Variants in GALNT14 observed in about 807,000 individuals in gnomAD.
The protein encoded by GALNT14 is UDP-GalNAc:polypeptide N-acetylgalactosaminyltransferase 14.
A neutral mutation model predicts 77.5 loss-of-function variants in GALNT14; 60 were observed. That is an observed-to-expected ratio of 0.77 (90% CI 0.63 to 0.96). The LOEUF (loss-of-function observed/expected upper bound fraction) is 0.96, where lower values mean the gene tolerates loss of function less well. Among genes scored for constraint, GALNT14 ranks in the 40% least tolerant of loss-of-function variants. The pLI, the probability that GALNT14 is intolerant of heterozygous loss-of-function variation, is 0.00. For synonymous variants in GALNT14, 280 were observed against 281.7 expected (o/e 0.99, Z 0.06); for missense variants, 710 against 731.0 (o/e 0.97, Z 0.33).
chr2:31,098,986 CA>C (rs1677133245), intron 1 of GALNT14, among the ~76,000 whole-genome samples: 2 of 152,010 alleles, frequency 1.3e-5, no homozygotes, highest in Admixed American at 1.3e-4. Flanking sequence ...CTTGCTGTGT[CA>C]GGGGTGGCAG....
At chr2:31,016,715 C>T (rs1671388208) in intron 1 of GALNT14, among the ~76,000 whole-genome samples, 3 of 152,188 alleles carry the variant, frequency 2.0e-5, no homozygotes, top group Admixed American at 2.0e-4. Context: ...CAAGGCTCCC[C>T]TTGGAACCAG....
chr2:31,027,917 T>C (rs868622467), intron 1 of GALNT14, among the ~76,000 whole-genome samples: 4 of 150,642 alleles, frequency 2.7e-5, no homozygotes, highest in East Asian at 1.9e-4. Context: ...TGTGTGTGTG[T>C]GCACGCATGC....
chr2:31,087,298 A>G (rs978736275), intron 1 of GALNT14, among the ~76,000 whole-genome samples: 4 of 152,240 alleles, frequency 2.6e-5, no homozygotes, highest in Non-Finnish European at 4.4e-5. Flanking sequence ...TATTAAGTTT[A>G]GGAGTATGCA....
chr2:31,050,853 T>G (rs1256840232), intron 1 of GALNT14, among the ~76,000 whole-genome samples: 6 of 150,774 alleles, frequency 4.0e-5, no homozygotes, highest in Middle Eastern at 3.4e-3. Flanking sequence ...CATTTGGGGA[T>G]AGCAAAATAC....
At chr2:30,934,908 G>T (rs868223983) in intron 9 of GALNT14, among the ~76,000 whole-genome samples, 5 of 152,126 alleles carry the variant, frequency 3.3e-5, no homozygotes, top group Admixed American at 2.0e-4. Flanking sequence ...TGAGATGGAC[G>T]GGACATTATC....
intron 1 of GALNT14, among the ~76,000 whole-genome samples, chr2:31,028,759 A>T (rs770016931): frequency 6.6e-6 from 1 of 152,150 alleles, no homozygotes; most frequent in Non-Finnish European, 1.5e-5. Context: ...GGAGCAGAAG[A>T]CACTAGGATG....
At chr2:30,950,068 A>C (rs1666936399) in intron 6 of GALNT14, among the ~76,000 whole-genome samples, 1 of 152,232 alleles carries the variant, frequency 6.6e-6, no homozygotes, top group South Asian at 2.1e-4. Flanking sequence ...AGAAAGACAA[A>C]TTATTATTTG....
intron 12 of GALNT14, 45 bp downstream of exon 12, chr2:30,924,695 C>A: frequency 6.5e-7 from 1 of 1,539,626 alleles, no homozygotes; most frequent in South Asian, 1.1e-5. Flanking sequence ...CAGCTGAGGG[C>A]CTCTGCTTTC....
downstream of GALNT14, among the ~76,000 whole-genome samples, chr2:30,909,000 A>G (rs1284350440): frequency 6.6e-6 from 1 of 152,034 alleles, no homozygotes; most frequent in Non-Finnish European, 1.5e-5. Context: ...AAAACTGGCT[A>G]GCCATATGTA....
At chr2:31,014,779 C>T (rs1312043099) in intron 1 of GALNT14, among the ~76,000 whole-genome samples, 3 of 152,132 alleles carry the variant, frequency 2.0e-5, no homozygotes, top group Non-Finnish European at 4.4e-5. Context: ...CCTGCGTTTA[C>T]CATGTATATA....
At chr2:30,972,020 A>G (rs1668385805) in intron 2 of GALNT14, among the ~76,000 whole-genome samples, 1 of 152,214 alleles carries the variant, frequency 6.6e-6, no homozygotes, top group South Asian at 2.1e-4. Flanking sequence ...GGACACCCAG[A>G]TACATGATCT....
intron 1 of GALNT14, among the ~76,000 whole-genome samples, chr2:31,094,031 C>T (rs1304106010): frequency 1.3e-5 from 2 of 152,218 alleles, no homozygotes; most frequent in African/African-American, 2.4e-5. Flanking sequence ...CCATCACATG[C>T]CCTGCGACCT....
intron 2 of GALNT14, among the ~76,000 whole-genome samples, chr2:30,969,634 T>C (rs868091743): frequency 2.6e-5 from 4 of 151,782 alleles, no homozygotes; most frequent in Non-Finnish European, 4.4e-5. Context: ...GGGGGTAAAG[T>C]AGGGAGGGAC....
chr2:30,892,691 T>C, the GALNT14 span, among the ~76,000 whole-genome samples: 2 of 152,218 alleles, frequency 1.3e-5, no homozygotes, highest in Non-Finnish European at 2.9e-5. Context: ...GTTCCTTTCT[T>C]GTAATGCTAC....
chr2:31,022,040 T>C (rs954839152), intron 1 of GALNT14, among the ~76,000 whole-genome samples: 3 of 152,248 alleles, frequency 2.0e-5, no homozygotes, highest in African/African-American at 4.8e-5. Flanking sequence ...CATAATTAGA[T>C]AGATAGAAGA....
At chr2:31,072,165 C>G (rs553449343) in intron 1 of GALNT14, among the ~76,000 whole-genome samples, 1 of 151,928 alleles carries the variant, frequency 6.6e-6, no homozygotes, top group African/African-American at 2.4e-5. Context: ...CTGTGGGGTG[C>G]AGAGGTGGAG....
At chr2:31,087,605 A>G (rs1413593652) in intron 1 of GALNT14, among the ~76,000 whole-genome samples, 1 of 152,150 alleles carries the variant, frequency 6.6e-6, no homozygotes, top group Non-Finnish European at 1.5e-5. Flanking sequence ...GGCTGGGAGA[A>G]GCCAGAGAAG....
intron 1 of GALNT14, among the ~76,000 whole-genome samples, chr2:31,029,878 T>A (rs1166075074): frequency 6.6e-6 from 1 of 152,200 alleles, no homozygotes; most frequent in Non-Finnish European, 1.5e-5. Flanking sequence ...TTAACCCATA[T>A]CCCCACTAGC....
At chr2:31,122,286 G>T (rs1678451980) in intron 1 of GALNT14, among the ~76,000 whole-genome samples, 1 of 152,230 alleles carries the variant, frequency 6.6e-6, no homozygotes, top group South Asian at 2.1e-4. Flanking sequence ...GTGATACCTG[G>T]AAGACTACAA....
Sources: gnomAD v4.1 joint callset for allele counts (sites outside exome capture counted in the v4.1 genomes callset) on GRCh38, gnomAD v4.1.1 for gene constraint, MANE v1.5 for transcripts, NCBI Gene and HGNC (gene_info 2026-07-23, HGNC 2026-07-21) for gene names.